Variants in TRPC5 observed in about 807,000 individuals in gnomAD.
TRPC5 encodes transient receptor potential cation channel subfamily C member 5.
Under a neutral mutation model 56.5 loss-of-function variants are expected in TRPC5, and 9 were observed. The observed-to-expected ratio is 0.16, with a 90% CI of 0.10 to 0.28. TRPC5 has a LOEUF of 0.28. TRPC5 is among the 10% of genes least tolerant of loss of function. TRPC5 has a pLI of 1.00. For missense variants in TRPC5, 469 were observed against 748.9 expected (o/e 0.63, Z 4.36); for synonymous variants, 282 against 278.5 (o/e 1.01, Z -0.13).
intron 7 of TRPC5, among the ~76,000 whole-genome samples, chrX:111,805,987 C>A (rs978302834): frequency 9.0e-6 from 1 of 111,056 alleles, no homozygotes; most frequent in Non-Finnish European, 1.9e-5. Flanking sequence ...GCTAAATCTG[C>A]AGCTCTGTAG....
At chrX:111,982,888 A>G (rs1928118892) in intron 1 of TRPC5, among the ~76,000 whole-genome samples, 2 of 111,090 alleles carry the variant, frequency 1.8e-5, no homozygotes, top group South Asian at 7.8e-4. Flanking sequence ...AATCTTGGCT[A>G]TGGGAGCACA....
intron 5 of TRPC5, among the ~76,000 whole-genome samples, chrX:111,848,429 C>G (rs1209206859): frequency 8.9e-6 from 1 of 112,141 alleles, no homozygotes; most frequent in African/African-American, 3.2e-5. Flanking sequence ...TCTGTGTACT[C>G]CATAAGTGGA....
At chrX:111,999,273 CT>C (rs1457445432) in intron 1 of TRPC5, among the ~76,000 whole-genome samples, 1 of 111,789 alleles carries the variant, frequency 8.9e-6, no homozygotes, top group African/African-American at 3.3e-5. Flanking sequence ...CTAGTCCCCC[CT>C]GCCCTTTCTA....
intron 7 of TRPC5, among the ~76,000 whole-genome samples, chrX:111,816,164 T>C (rs1314993462): frequency 1.8e-5 from 2 of 111,672 alleles, no homozygotes; most frequent in African/African-American, 6.5e-5. Flanking sequence ...CTTGCATGGG[T>C]AACAATAAAA....
chrX:111,824,729 C>G (rs1922136214), intron 7 of TRPC5, among the ~76,000 whole-genome samples: 1 of 111,535 alleles, frequency 9.0e-6, no homozygotes, highest in East Asian at 2.8e-4. Flanking sequence ...TGCACTTTGT[C>G]ATGCAGTTCC....
intron 1 of TRPC5, among the ~76,000 whole-genome samples, chrX:111,985,324 G>C (rs1293496797): frequency 8.9e-6 from 1 of 111,949 alleles, no homozygotes; most frequent in East Asian, 2.8e-4. Flanking sequence ...CTGTGAGACA[G>C]ATCTGAGCTA....
chrX:111,855,375 T>C (rs948424020), intron 3 of TRPC5, among the ~76,000 whole-genome samples: 1 of 111,816 alleles, frequency 8.9e-6, no homozygotes, highest in Non-Finnish European at 1.9e-5. Flanking sequence ...TGCTCCTCCA[T>C]GTTCTTTTCC....
intron 1 of TRPC5, among the ~76,000 whole-genome samples, chrX:112,001,753 TCTGA>T (rs1248650410): frequency 8.9e-6 from 1 of 111,856 alleles, no homozygotes; most frequent in Non-Finnish European, 1.9e-5. Flanking sequence ...AGACCAAGAC[TCTGA>T]CTGAAAACAA....
Position 111,998,078 on chromosome X carries a change from AT to A in TRPC5, c.-21-45638del, listed in dbSNP as rs1308433988. ...CCTTTGGAGGAGAAGAGGCACTCTGATTTTTAGAATTTTCAGCTTTTCTGCT... is the reference window on the plus strand; with the variant it reads ...CCTTTGGAGGAGAAGAGGCACTCTGATTTTAGAATTTTCAGCTTTTCTGCT... On this transcript the variant is annotated intron_variant, in intron 1 of 10. Transcript: ENST00000262839. 4.5e-5 allele frequency among the ~76,000 whole-genome samples: 5 copies of A among 110,432 alleles called. No individual in the cohort carries two copies. The East Asian group carries it at 1.4e-3, about 32-fold the overall frequency.
At chrX:111,857,511 T>A (rs189562944) in intron 3 of TRPC5, among the ~76,000 whole-genome samples, 6 of 112,504 alleles carry the variant, frequency 5.3e-5, no homozygotes, top group Non-Finnish European at 1.9e-5. Flanking sequence ...TTTAAGACTG[T>A]CAAATTAGAT....
chrX:112,014,466 G>T (rs923169407), intron 1 of TRPC5, among the ~76,000 whole-genome samples: 7 of 112,123 alleles, frequency 6.2e-5, no homozygotes, highest in African/African-American at 2.3e-4. Flanking sequence ...ACAGTTTTTT[G>T]TTCGTTTATT....
At chrX:111,955,643 C>T (rs1250117851) in intron 1 of TRPC5, among the ~76,000 whole-genome samples, 1 of 111,931 alleles carries the variant, frequency 8.9e-6, no homozygotes, top group Non-Finnish European at 1.9e-5. Context: ...CAGCTGCAGC[C>T]ACTTGACCCT....
chrX:111,932,727 A>G (rs915565840), intron 2 of TRPC5, among the ~76,000 whole-genome samples: 6 of 111,906 alleles, frequency 5.4e-5, no homozygotes, highest in African/African-American at 2.0e-4. Context: ...AACTAAGATG[A>G]AAGAAAAAAA....
chrX:111,964,548 G>GA (rs990166560), intron 1 of TRPC5, among the ~76,000 whole-genome samples: 2 of 111,967 alleles, frequency 1.8e-5, no homozygotes, highest in African/African-American at 6.5e-5. Context: ...TGAAATGAAG[G>GA]AAAAAATGTT....
intron 1 of TRPC5, among the ~76,000 whole-genome samples, chrX:111,977,148 A>G (rs1261028238): frequency 1.8e-5 from 2 of 111,693 alleles, no homozygotes; most frequent in Non-Finnish European, 3.8e-5. Flanking sequence ...AAATCCTAAT[A>G]TTTGTATGGA....
chrX:111,836,242 G>C, intron 6 of TRPC5, among the ~76,000 whole-genome samples: 1 of 112,164 alleles, frequency 8.9e-6, no homozygotes. Context: ...TCTGAATACA[G>C]CAATAAAATG....
chrX:111,984,286 A>AT (rs916505561), intron 1 of TRPC5, among the ~76,000 whole-genome samples: 2 of 111,767 alleles, frequency 1.8e-5, no homozygotes, highest in Admixed American at 9.6e-5. Flanking sequence ...CGGCTGGGTG[A>AT]TGTAGCTCAA....
intron 3 of TRPC5, among the ~76,000 whole-genome samples, chrX:111,866,460 AGTT>A (rs1923554047): frequency 8.9e-6 from 1 of 112,972 alleles, no homozygotes; most frequent in Admixed American, 9.3e-5. Context: ...TCCTCACTGC[AGTT>A]GTTGATTGTT....
intron 1 of TRPC5, among the ~76,000 whole-genome samples, chrX:111,993,208 A>G (rs1928415096): frequency 9.0e-6 from 1 of 110,723 alleles, no homozygotes; most frequent in Non-Finnish European, 1.9e-5. Context: ...AGCTTCATCC[A>G]TGTCCCTGCA....
Sources: gnomAD v4.1 joint callset for allele counts (sites outside exome capture counted in the v4.1 genomes callset) on GRCh38, gnomAD v4.1.1 for gene constraint, MANE v1.5 for transcripts, NCBI Gene and HGNC (gene_info 2026-07-23, HGNC 2026-07-21) for gene names.